The following PHYKPL variants were observed in gnomAD, a reference collection of about 807,000 sequenced individuals.
PHYKPL encodes the protein 5-phosphonooxy-L-lysine phospho-lyase.
Under a neutral mutation model 51.3 loss-of-function variants are expected in PHYKPL, and 42 were observed. The ratio of observed to expected loss-of-function variants is 0.82; its 90% CI spans 0.64 to 1.06. The LOEUF (loss-of-function observed/expected upper bound fraction) is 1.06, where lower values mean the gene tolerates loss of function less well. Ranked by LOEUF, PHYKPL falls within the 50% of genes least tolerant of loss-of-function variation. PHYKPL has a pLI of 0.00. For missense variants in PHYKPL, 655 were observed against 586.6 expected, an observed-to-expected ratio of 1.12 and a Z score of -1.20; for synonymous variants, 264 against 236.0, an observed-to-expected ratio of 1.12 and a Z score of -1.09.
chr5:178,216,266 A>T (rs887736226), intron 8 of PHYKPL: 2 of 152,216 alleles, frequency 1.3e-5, no homozygotes, highest in African/African-American at 4.8e-5. Flanking sequence ...TCATATGCAT[A>T]GGGATGTGCT....
rs528265547 is a variant in PHYKPL, at chr5:178,217,630, G to A, written c.928-2200C>T. 1.9e-4 allele frequency among the ~76,000 whole-genome samples: 29 copies of A among 151,676 alleles called. No homozygotes were observed. The East Asian group carries it at 2.7e-3, about 14-fold the overall frequency. On this transcript the variant is annotated intron_variant, in intron 8 of 12. Transcript: ENST00000308158. Reference sequence around the variant, plus strand: ...TCCCCGCACTTTGGGAGGCTGAGGCGGGTGGATCATGAGGTCAGGAGATCG... The same window carrying A: ...TCCCCGCACTTTGGGAGGCTGAGGCAGGTGGATCATGAGGTCAGGAGATCG...
In PHYKPL at chr5:178,211,954, C is replaced by A. The variant is rs755740786; in HGVS notation, c.1320G>T (p.Val440=). 26 of 1,614,096 alleles carry A rather than the reference C, an allele frequency of 1.6e-5. No individual in the cohort carries two copies. The highest frequency in any genetic ancestry group is 1.9e-5 in the Non-Finnish European group (23 of 1,180,046). Residue 440 remains valine (V), a synonymous_variant, in exon 12 of 13, where the codon GTG becomes GTT. Transcript: ENST00000308158. ...GGAGCCTCAGCGTTTCACAACTTCT[C>A]ACCTTCTCTTCCATGTCTGAAAAAG... The part of the protein sequence containing the change: ...DAILTDMEEK[V]RSCETLRLQP
At chr5:178,218,089 C>CATGT (rs1760268623) in intron 8 of PHYKPL, among the ~76,000 whole-genome samples, 1 of 112,558 alleles carries the variant, frequency 8.9e-6, no homozygotes, top group African/African-American at 3.9e-5. Context: ...TGGTAGCGGG[C>CATGT]GCCTGTAGTC....
At position 178,232,703 on chromosome 5, in the gene PHYKPL, C is replaced by G; in HGVS notation, c.-153G>C. Reference sequence around the variant, plus strand: ...GCCCCGCCCCGAAGCGCCCGCGTTGCGGTGGTTCATTTCTTCGCTTGCCCA... The same window carrying G: ...GCCCCGCCCCGAAGCGCCCGCGTTGGGGTGGTTCATTTCTTCGCTTGCCCA... On this transcript the variant is annotated 5_prime_UTR_variant, in exon 1 of 13. Coordinates refer to ENST00000308158, the MANE Select transcript of PHYKPL (RefSeq NM_153373.4). 3 of 864,556 alleles carry G rather than the reference C, an allele frequency of 3.5e-6. No homozygotes were observed. The highest frequency in any genetic ancestry group is 4.6e-6 in the Non-Finnish European group (3 of 657,996). The allele number at this position is 864,556 out of a possible 1,614,324, so 53.6% of individuals were successfully genotyped here. A position where few individuals can be genotyped will look rare whatever the true frequency, so the allele number is the denominator to read the frequency against.
At chr5:178,225,206 C>A (rs1022240360) in intron 4 of PHYKPL, 149 bp downstream of exon 4, 49 of 878,906 alleles carry the variant, frequency 5.6e-5, no homozygotes, top group Non-Finnish European at 7.9e-5. Context: ...TGGGAGGTCT[C>A]AGGCCTGGTC....
chr5:178,219,032 C>G (rs1295402817), intron 8 of PHYKPL, among the ~76,000 whole-genome samples: 2 of 152,104 alleles, frequency 1.3e-5, no homozygotes, highest in Admixed American at 6.5e-5. Context: ...ATTCCTGATT[C>G]ACATCGTGTA....
intron 3 of PHYKPL, chr5:178,225,684 G>GA: frequency 2.0e-6 from 1 of 509,076 alleles, no homozygotes. Flanking sequence ...AAGTTGTTTT[G>GA]AAAAAACCCA....
In PHYKPL at chr5:178,222,531, C is replaced by A; in HGVS notation, c.751G>T (p.Gly251Cys). The A allele has an allele frequency of 6.2e-7, 1 of 1,614,250 alleles. No homozygotes were observed. Among genetic ancestry groups the A allele is most frequent in the African/African-American group, 1.3e-5 (1 of 75,062 alleles). ...GVFVADEIQVGFGRVGKHFWA... is the reference protein window; with the variant it reads ...GVFVADEIQVCFGRVGKHFWA... ...AAGTGCTTGCCTACCCGGCCAAAGC[C>A]AACCTGGATCTCATCTGCAACAAAG... The change falls in exon 8 of 13, where the codon GGC (glycine) becomes TGC (cysteine). Residue 251 changes from glycine to cysteine, a missense_variant. Transcript: ENST00000308158.
At chr5:178,231,308 G>A in intron 2 of PHYKPL, 97 bp downstream of exon 2, 1 of 1,588,212 alleles carries the variant, frequency 6.3e-7, no homozygotes. Context: ...CTCCACCCAG[G>A]TTCTCCACAC....
chr5:178,209,523 C>G, intron 12 of PHYKPL: 1 of 1,294,894 alleles, frequency 7.7e-7, no homozygotes, highest in East Asian at 2.3e-5. Context: ...TTGGGGCTCC[C>G]TCTGGTGCTG....
chr5:178,216,570 A>G (rs1424594427), intron 8 of PHYKPL: 1 of 152,256 alleles, frequency 6.6e-6, no homozygotes, highest in Non-Finnish European at 1.5e-5. Context: ...GGAGGAGAAT[A>G]TGATTTCCAC....
At chr5:178,210,263 TACG>T in intron 12 of PHYKPL, 1 of 1,614,048 alleles carries the variant, frequency 6.2e-7, no homozygotes, top group Non-Finnish European at 8.5e-7. Context: ...CGGCCCCGGC[TACG>T]ACTACAGTAA....
Position 178,231,462 on chromosome 5 carries a change from A to G in PHYKPL, c.121T>C (p.Tyr41His), listed in dbSNP as rs1763386688. The G allele has an allele frequency of 6.2e-7, 1 of 1,614,184 alleles. No individual in the cohort carries two copies. The highest frequency in any genetic ancestry group is 8.5e-7 in the Non-Finnish European group (1 of 1,180,032). The stretch of plus-strand genomic sequence containing the variant: ...TCTGCCCCCTGTTCATCGTACATGT[A>G]CTGCCCTTGGGCCCGGACAATCTTA... ...PVKIVRAQGQYMYDEQGAEYI... is the reference protein window; with the variant it reads ...PVKIVRAQGQHMYDEQGAEYI... Residue 41 changes from tyrosine to histidine, a missense_variant, in exon 2 of 13, where the codon TAC becomes CAC. Tyr to His is a moderately conservative substitution (Grantham distance 83). Coordinates refer to ENST00000308158, the MANE Select transcript of PHYKPL (RefSeq NM_153373.4).
In PHYKPL at chr5:178,222,455, A is replaced by C; in HGVS notation, c.827T>G (p.Met276Arg). Residue 276 changes from methionine (M) to arginine (R), a missense_variant, in exon 8 of 13, where the codon ATG becomes AGG. Physicochemically the swap from Met to Arg is moderately conservative, Grantham distance 91. Coordinates refer to ENST00000308158, the MANE Select transcript of PHYKPL (RefSeq NM_153373.4). The part of the protein sequence containing the change: ...GKDFVPDIVT[M>R]GKSIGNGHPV... Reference sequence around the variant, plus strand: ...GTGGCCGTTGCCAATGGACTTGCCCATGGTGACGATGTCAGGGACGAAGTC... The same window carrying C: ...GTGGCCGTTGCCAATGGACTTGCCCCTGGTGACGATGTCAGGGACGAAGTC... 6.2e-7 allele frequency: 1 copy of C among 1,614,264 alleles called. No homozygotes were observed.
In PHYKPL at chr5:178,232,733, G is replaced by T; in HGVS notation, c.-183C>A. The T allele has an allele frequency of 1.7e-6, 1 of 597,566 alleles. No individual in the cohort carries two copies. Among genetic ancestry groups the T allele is most frequent in the Non-Finnish European group, 2.4e-6 (1 of 416,516 alleles). 37.0% of individuals were successfully genotyped at this position (597,566 alleles called of 1,614,324 possible). On this transcript the variant is annotated 5_prime_UTR_variant, in exon 1 of 13. Coordinates refer to ENST00000308158, the MANE Select transcript of PHYKPL (RefSeq NM_153373.4). ...GTTCATTTCTTCGCTTGCCCACTGG[G>T]CCTGGCAGCCTTCCGGCCCGTGGTC...
chr5:178,212,914 T>C, intron 11 of PHYKPL, 59 bp downstream of exon 11: 1 of 1,599,034 alleles, frequency 6.3e-7, no homozygotes, highest in Non-Finnish European at 8.5e-7. Context: ...TAGGAGGCTC[T>C]AGTTGCTGGC....
downstream of PHYKPL, among the ~76,000 whole-genome samples, chr5:178,207,727 G>C (rs965369939): frequency 2.5e-5 from 3 of 118,682 alleles, no homozygotes; most frequent in African/African-American, 1.0e-4. Flanking sequence ...CTTTGAGACA[G>C]AGTCTTGCTT....
At chr5:178,219,924 G>T (rs1416027638) in intron 8 of PHYKPL, among the ~76,000 whole-genome samples, 1 of 152,010 alleles carries the variant, frequency 6.6e-6, no homozygotes, top group Non-Finnish European at 1.5e-5. Context: ...CGGGTGCAGT[G>T]GCTCATGCCT....
chr5:178,225,602 G>A (rs1762131954), intron 3 of PHYKPL, 173 bp from the exon 4 acceptor site: 3 of 620,424 alleles, frequency 4.8e-6, no homozygotes, highest in African/African-American at 1.8e-5. Flanking sequence ...ACTAGAAGCT[G>A]GGGGAAAAAG....
Sources: gnomAD v4.1 joint callset for allele counts (sites outside exome capture counted in the v4.1 genomes callset) on GRCh38, gnomAD v4.1.1 for gene constraint, MANE v1.5 for transcripts, NCBI Gene and HGNC (gene_info 2026-07-23, HGNC 2026-07-21) for gene names.